Variants in ZFHX3 observed in about 807,000 individuals in gnomAD.
The protein encoded by ZFHX3 is zinc finger homeobox 3, also known as zinc finger homeobox protein 3.
Under a neutral mutation model 279.1 loss-of-function variants are expected in ZFHX3, and 42 were observed. The ratio of observed to expected loss-of-function variants is 0.15; its 90% CI spans 0.12 to 0.19. The LOEUF is 0.19. Among genes scored for constraint, ZFHX3 ranks in the 10% least tolerant of loss-of-function variants. The probability of loss-of-function intolerance (pLI) is 1.00; values close to 1 mark genes in which losing one functional copy is unlikely to be tolerated. For synonymous variants in ZFHX3, 2,293 were observed against 1,957.8 expected (o/e 1.17, Z -4.52); for missense variants, 4,981 against 4,754.0 (o/e 1.05, Z -1.40).
At chr16:73,697,386 A>C (rs2053207519) in intron 1 of ZFHX3, among the ~76,000 whole-genome samples, 1 of 152,250 alleles carries the variant, frequency 6.6e-6, no homozygotes, top group Admixed American at 6.5e-5. Flanking sequence ...TTCAAAACAC[A>C]GATGCAGACT....
chr16:73,838,762 CTGTGTGTGTGTGTG>C (rs34111835), intron 1 of ZFHX3, among the ~76,000 whole-genome samples: 5 of 147,776 alleles, frequency 3.4e-5, no homozygotes, highest in African/African-American at 7.4e-5. Context: ...GTGTGTGTGT[CTGTGTGTGTGTGTG>C]TGTGTGTGTG....
intron 2 of ZFHX3, among the ~76,000 whole-genome samples, chr16:73,572,264 G>A (rs1313478081): frequency 6.6e-6 from 1 of 152,066 alleles, no homozygotes; most frequent in African/African-American, 2.4e-5. Context: ...TTCTTCGGGT[G>A]GTTTGGGGCT....
At chr16:73,744,609 A>G (rs1415671678) in intron 1 of ZFHX3, among the ~76,000 whole-genome samples, 2 of 152,110 alleles carry the variant, frequency 1.3e-5, no homozygotes, top group Non-Finnish European at 2.9e-5. Flanking sequence ...TTTATTATGC[A>G]TATCTGGTTG....
chr16:73,303,967 A>AAG (rs1597273316), intron 4 of ZFHX3, among the ~76,000 whole-genome samples: 3 of 121,872 alleles, frequency 2.5e-5, no homozygotes, highest in East Asian at 3.3e-4. Context: ...TAGGTGGAAA[A>AAG]AAAAAAAAAA....
At chr16:73,189,100 G>A (rs1340561750) in intron 5 of ZFHX3, among the ~76,000 whole-genome samples, 3 of 152,272 alleles carry the variant, frequency 2.0e-5, no homozygotes, top group Non-Finnish European at 2.9e-5. Context: ...TTGACCTTGT[G>A]ATCCACCCAG....
chr16:72,935,298 G>C (rs949008387), intron 3 of ZFHX3, among the ~76,000 whole-genome samples: 1 of 152,046 alleles, frequency 6.6e-6, no homozygotes, highest in African/African-American at 2.4e-5. Context: ...CAGGGCGGGG[G>C]ACAATCAGAT....
chr16:73,773,392 G>C (rs11863821), intron 1 of ZFHX3, among the ~76,000 whole-genome samples: 6,517 of 152,254 alleles, frequency 0.043, 443 homozygotes, highest in African/African-American at 0.15. Context: ...GTTTGTATCA[G>C]TGGAGATGGA....
chr16:73,056,476 C>T (rs1965559631), intron 1 of ZFHX3, among the ~76,000 whole-genome samples: 1 of 152,046 alleles, frequency 6.6e-6, no homozygotes, highest in Non-Finnish European at 1.5e-5. Flanking sequence ...CTCCTGAATA[C>T]CCCCCACTCC....
intron 2 of ZFHX3, among the ~76,000 whole-genome samples, chr16:73,538,438 C>T (rs922806702): frequency 1.3e-5 from 2 of 152,148 alleles, no homozygotes; most frequent in Non-Finnish European, 2.9e-5. Context: ...GCGTGAAGTA[C>T]ATCATTAATT....
At chr16:73,178,630 T>G (rs1311149211) in intron 5 of ZFHX3, among the ~76,000 whole-genome samples, 1 of 152,228 alleles carries the variant, frequency 6.6e-6, no homozygotes, top group Non-Finnish European at 1.5e-5. Context: ...AACATGGCAT[T>G]GAAAATTCAA....
chr16:73,720,653 G>T (rs895397598), intron 1 of ZFHX3, among the ~76,000 whole-genome samples: 4 of 152,126 alleles, frequency 2.6e-5, no homozygotes, highest in Non-Finnish European at 5.9e-5. Context: ...CTAAGAGACT[G>T]CTACTTATAA....
At position 73,303,743 on chromosome 16, in the gene ZFHX3, T is replaced by C. The variant is rs903762416; in HGVS notation, c.-1194+14497A>G. On this transcript the variant is annotated intron_variant, in intron 4 of 17. Coordinates refer to the ZFHX3 transcript ENST00000641206. ...TTTAGATGGCCATCTCATTCCCTTA[T>C]ATACTCCATCTCTCTAACCTGGATG... Among the ~76,000 whole-genome samples, 7 of 151,946 alleles carry C rather than the reference T, an allele frequency of 4.6e-5. No individual in the cohort carries two copies. In the East Asian group the frequency reaches 1.2e-3, roughly 25 times the overall value.
In ZFHX3 at chr16:73,581,659, C is replaced by CTTTT. The variant is rs11286052; in HGVS notation, c.-1547+98517_-1547+98520dup. On this transcript the variant is annotated intron_variant, in intron 2 of 17. Transcript: ENST00000641206. Reference sequence around the variant, plus strand: ...GTCAAGCATAAAACTTCGAATGTCTCTTTTTTTTTTTTTTTTTTTTTTTTT... The same window carrying CTTTT: ...GTCAAGCATAAAACTTCGAATGTCTCTTTTTTTTTTTTTTTTTTTTTTTTTTTTT... Among the ~76,000 whole-genome samples the CTTTT allele has an allele frequency of 7.8e-4, 57 of 73,436 alleles. 4 individuals are homozygous for CTTTT. The highest frequency in any genetic ancestry group is 1.9e-3 in the African/African-American group (34 of 17,476). 48.2% of individuals were successfully genotyped at this position (73,436 alleles called of 152,430 possible).
chr16:72,831,670 G>C (rs1055278016), intron 4 of ZFHX3, among the ~76,000 whole-genome samples: 1 of 152,136 alleles, frequency 6.6e-6, no homozygotes, highest in Non-Finnish European at 1.5e-5. Context: ...CACATTTTTA[G>C]GATTTCAATA....
At chr16:73,336,851 A>G (rs2015923214) in intron 3 of ZFHX3, among the ~76,000 whole-genome samples, 1 of 152,058 alleles carries the variant, frequency 6.6e-6, no homozygotes, top group Non-Finnish European at 1.5e-5. Context: ...CAAGTTTAAA[A>G]CAATCACAAT....
At chr16:73,477,798 G>C (rs1185142575) in intron 2 of ZFHX3, among the ~76,000 whole-genome samples, 1 of 152,146 alleles carries the variant, frequency 6.6e-6, no homozygotes, top group African/African-American at 2.4e-5. Context: ...AGTAACAAAA[G>C]GGCTTGGGTA....
At chr16:73,649,382 C>T (rs1032954460) in intron 2 of ZFHX3, among the ~76,000 whole-genome samples, 2 of 152,072 alleles carry the variant, frequency 1.3e-5, no homozygotes, top group African/African-American at 4.8e-5. Flanking sequence ...TACAGTGCAG[C>T]CAAAACCTAG....
intron 1 of ZFHX3, among the ~76,000 whole-genome samples, chr16:73,777,195 G>A (rs757823100): frequency 3.3e-5 from 5 of 152,014 alleles, no homozygotes; most frequent in Admixed American, 1.3e-4. Context: ...CTGGATCAAT[G>A]AGCCTCCTTT....
At chr16:72,876,681 T>C (rs185668910) in intron 4 of ZFHX3, among the ~76,000 whole-genome samples, 12 of 152,376 alleles carry the variant, frequency 7.9e-5, no homozygotes, top group African/African-American at 2.2e-4. Flanking sequence ...TCTCTTCTCC[T>C]GGCTGGTCCA....
Sources: gnomAD v4.1 joint callset for allele counts (sites outside exome capture counted in the v4.1 genomes callset) on GRCh38, gnomAD v4.1.1 for gene constraint, MANE v1.5 for transcripts, NCBI Gene and HGNC (gene_info 2026-07-23, HGNC 2026-07-21) for gene names.